Variants in PTPRD observed in about 807,000 individuals in gnomAD.
The protein encoded by PTPRD is protein tyrosine phosphatase receptor type D.
A neutral mutation model predicts 214.5 loss-of-function variants in PTPRD; 34 were observed. The ratio of observed to expected loss-of-function variants is 0.16; its 90% CI spans 0.12 to 0.21. The LOEUF (loss-of-function observed/expected upper bound fraction) is 0.21. PTPRD is among the 10% of genes least tolerant of loss of function. PTPRD has a pLI of 1.00. For synonymous variants in PTPRD, 1,128 were observed against 845.7 expected (o/e 1.33, Z -5.79); for missense variants, 2,545 against 2,398.7 (o/e 1.06, Z -1.27).
Position 10,503,898 on chromosome 9 carries a change from T to C in PTPRD, c.-600+108500A>G, listed in dbSNP as rs200521202. ...TTGGGAGGCCGAGGTGGGCGGATCA[T>C]AAGGTCAGGAGATCAAGACCATCCT... On this transcript the variant is annotated intron_variant, in intron 2 of 45. Coordinates refer to ENST00000381196, the MANE Select transcript of PTPRD (RefSeq NM_002839.4). Among the ~76,000 whole-genome samples the C allele has an allele frequency of 1.7e-4, 26 of 151,344 alleles. No individual in the cohort carries two copies. In the South Asian group the frequency reaches 4.0e-3, roughly 23 times the overall value.
chr9:8,345,204 A>G (rs1856429407), intron 39 of PTPRD, among the ~76,000 whole-genome samples: 1 of 152,010 alleles, frequency 6.6e-6, no homozygotes, highest in African/African-American at 2.4e-5. Context: ...TTCCTACCAC[A>G]GTGCTTGACA....
At chr9:9,973,809 T>C (rs755450905) in intron 4 of PTPRD, among the ~76,000 whole-genome samples, 4 of 152,170 alleles carry the variant, frequency 2.6e-5, no homozygotes, top group Non-Finnish European at 5.9e-5. Flanking sequence ...ATTTGTATTT[T>C]ATTTGTATTT....
At chr9:8,355,102 T>C (rs1371075621) in intron 39 of PTPRD, among the ~76,000 whole-genome samples, 4 of 151,966 alleles carry the variant, frequency 2.6e-5, no homozygotes, top group Non-Finnish European at 5.9e-5. Context: ...GGGAGGTGGA[T>C]CGTTCATGAA....
intron 2 of PTPRD, among the ~76,000 whole-genome samples, chr9:10,571,835 G>A (rs145349419): frequency 9.0e-4 from 137 of 152,226 alleles, no homozygotes; most frequent in Non-Finnish European, 1.7e-3. Flanking sequence ...TAGGGTTCAT[G>A]CTCCTGTGAG....
chr9:8,392,682 T>C (rs116048873), intron 36 of PTPRD, among the ~76,000 whole-genome samples: 1 of 152,286 alleles, frequency 6.6e-6, no homozygotes, highest in African/African-American at 2.4e-5. Flanking sequence ...AGGTAGTACA[T>C]GGAATGAAAG....
chr9:10,595,690 T>A (rs1440294568), intron 2 of PTPRD, among the ~76,000 whole-genome samples: 1 of 151,586 alleles, frequency 6.6e-6, no homozygotes, highest in African/African-American at 2.4e-5. Context: ...TATGTACATA[T>A]GTCAGTGATC....
At chr9:9,192,002 C>T (rs1485025750) in intron 9 of PTPRD, among the ~76,000 whole-genome samples, 1 of 151,912 alleles carries the variant, frequency 6.6e-6, no homozygotes, top group Non-Finnish European at 1.5e-5. Context: ...ACTTAAATAG[C>T]TAACCCAATT....
chr9:9,134,591 T>G (rs1352924977), intron 10 of PTPRD, among the ~76,000 whole-genome samples: 2 of 152,196 alleles, frequency 1.3e-5, no homozygotes, highest in Non-Finnish European at 2.9e-5. Context: ...TTCCAAATTA[T>G]CGAGAGTAAA....
At chr9:9,923,893 A>C (rs1412893060) in intron 5 of PTPRD, among the ~76,000 whole-genome samples, 3 of 152,010 alleles carry the variant, frequency 2.0e-5, no homozygotes, top group Admixed American at 6.6e-5. Flanking sequence ...AAAAACAAAG[A>C]CAGGGAGTCT....
chr9:9,951,491 T>A (rs1021378436), intron 4 of PTPRD, among the ~76,000 whole-genome samples: 1 of 152,186 alleles, frequency 6.6e-6, no homozygotes, highest in Non-Finnish European at 1.5e-5. Context: ...CTTGAGCGGA[T>A]AAGCATTAAG....
intron 2 of PTPRD, among the ~76,000 whole-genome samples, chr9:10,572,032 A>G (rs1372013896): frequency 1.3e-5 from 2 of 152,132 alleles, no homozygotes; most frequent in African/African-American, 4.8e-5. Flanking sequence ...ATGCTTCCTA[A>G]TACATTACTC....
At chr9:9,119,047 A>T (rs972323099) in intron 10 of PTPRD, among the ~76,000 whole-genome samples, 1 of 152,204 alleles carries the variant, frequency 6.6e-6, no homozygotes, top group African/African-American at 2.4e-5. Flanking sequence ...AAGACAGCCA[A>T]ATTAATGGGG....
At chr9:9,804,396 AG>A (rs1188616659) in intron 5 of PTPRD, among the ~76,000 whole-genome samples, 1 of 152,174 alleles carries the variant, frequency 6.6e-6, no homozygotes, top group Non-Finnish European at 1.5e-5. Flanking sequence ...TAATAAAAAA[AG>A]TTTAAATGGG....
intron 5 of PTPRD, among the ~76,000 whole-genome samples, chr9:9,903,112 G>T (rs563803680): frequency 6.6e-6 from 1 of 152,024 alleles, no homozygotes; most frequent in African/African-American, 2.4e-5. Context: ...CATGAAATAA[G>T]TAATCAAATG....
chr9:8,410,410 C>G (rs1015584232), intron 35 of PTPRD, among the ~76,000 whole-genome samples: 1 of 152,146 alleles, frequency 6.6e-6, no homozygotes, highest in African/African-American at 2.4e-5. Flanking sequence ...TCTGTGTTCC[C>G]TTTTCCTCTT....
intron 11 of PTPRD, among the ~76,000 whole-genome samples, chr9:8,804,453 C>A (rs1227168535): frequency 6.6e-6 from 1 of 151,758 alleles, no homozygotes; most frequent in Admixed American, 6.6e-5. Context: ...ATAAAACTAG[C>A]CAGGCATGGT....
At chr9:9,646,318 G>GTGTGTGTGT (rs1564283052) in intron 7 of PTPRD, among the ~76,000 whole-genome samples, 1 of 137,238 alleles carries the variant, frequency 7.3e-6, no homozygotes, top group Non-Finnish European at 1.6e-5. Context: ...TGTGTGTGTG[G>GTGTGTGTGT]GTGTGTGTGT....
chr9:8,973,875 ACTT>A (rs2099253352), intron 11 of PTPRD, among the ~76,000 whole-genome samples: 2 of 151,766 alleles, frequency 1.3e-5, no homozygotes, highest in African/African-American at 4.8e-5. Context: ...TTTAAGAAAT[ACTT>A]CTTTGTGTCT....
chr9:9,132,888 A>G (rs2099844936), intron 10 of PTPRD, among the ~76,000 whole-genome samples: 1 of 152,238 alleles, frequency 6.6e-6, no homozygotes, highest in Non-Finnish European at 1.5e-5. Flanking sequence ...AAGAAGGAGA[A>G]TGTGTTGATG....
Sources: gnomAD v4.1 joint callset for allele counts (sites outside exome capture counted in the v4.1 genomes callset) on GRCh38, gnomAD v4.1.1 for gene constraint, MANE v1.5 for transcripts, NCBI Gene and HGNC (gene_info 2026-07-23, HGNC 2026-07-21) for gene names.